RASGEF1B: variants seen among roughly 807,000 people sequenced by gnomAD.
RASGEF1B encodes the protein RasGEF domain family member 1B, also known as ras-GEF domain-containing family member 1B.
A neutral mutation model predicts 65.7 loss-of-function variants in RASGEF1B; 30 were observed. That is an observed-to-expected ratio of 0.46 (90% CI 0.34 to 0.62). RASGEF1B has a LOEUF of 0.62. Ranked by LOEUF, RASGEF1B falls within the 20% of genes least tolerant of loss-of-function variation. The pLI is 0.01. For missense variants in RASGEF1B, 495 were observed against 580.1 expected (o/e 0.85, Z 1.51); for synonymous variants, 175 against 194.8 (o/e 0.90, Z 0.85).
intron 4 of RASGEF1B, chr4:81,456,140 C>T: frequency 4.5e-6 from 1 of 222,690 alleles, no homozygotes; most frequent in Non-Finnish European, 8.7e-6. Flanking sequence ...ACTCATACCA[C>T]AGCAGTCCTG....
Position 81,435,462 on chromosome 4 carries a change from GATTT to G in RASGEF1B, c.1105-732_1105-729del, listed in dbSNP as rs1560694573. On this transcript the variant is annotated intron_variant, in intron 10 of 13. Coordinates refer to ENST00000264400, the MANE Select transcript of RASGEF1B (RefSeq NM_152545.3). ...AAGAATACCTATCATTGCAGGCACC[GATTT>G]TTTTTTTTTTTTTTTTTTTTGAGAT... Among the ~76,000 whole-genome samples the G allele has an allele frequency of 2.3e-3, 272 of 117,252 alleles. 2 individuals carry two copies. The highest frequency in any genetic ancestry group is 9.3e-3 in the African/African-American group (266 of 28,648). The allele number at this position is 117,252 out of a possible 152,430, so 76.9% of individuals were successfully genotyped here.
intron 8 of RASGEF1B, among the ~76,000 whole-genome samples, chr4:81,442,993 C>T (rs542595799): frequency 9.8e-5 from 15 of 152,326 alleles, no homozygotes; most frequent in Middle Eastern, 3.4e-3. Flanking sequence ...CCTCAACATT[C>T]TTAAAAGAAT....
chr4:81,465,441 A>C (rs1722774077), intron 1 of RASGEF1B, among the ~76,000 whole-genome samples: 1 of 152,238 alleles, frequency 6.6e-6, no homozygotes, highest in Non-Finnish European at 1.5e-5. Context: ...CTTAAAATTA[A>C]TTTGGGAAGT....
intron 2 of RASGEF1B, 57 bp from the exon 3 acceptor site, chr4:81,457,678 C>T (rs918714891): frequency 4.9e-5 from 78 of 1,586,498 alleles, no homozygotes; most frequent in Middle Eastern, 3.4e-4. Context: ...TAATATCTTG[C>T]CTTTATACTA....
chr4:81,445,350 A>G (rs943678181), intron 8 of RASGEF1B, among the ~76,000 whole-genome samples, 176 bp downstream of exon 8: 9 of 152,240 alleles, frequency 5.9e-5, no homozygotes, highest in African/African-American at 9.6e-5. Context: ...CTTAAGAAAG[A>G]TTACACACAT....
At chr4:81,431,419 T>C (rs1057376450) in intron 13 of RASGEF1B, among the ~76,000 whole-genome samples, 2 of 152,052 alleles carry the variant, frequency 1.3e-5, no homozygotes, top group African/African-American at 2.4e-5. Flanking sequence ...CCAATTACTA[T>C]GATATCCTAA....
At chr4:81,461,022 T>C (rs1722623879) in intron 1 of RASGEF1B, among the ~76,000 whole-genome samples, 1 of 140,104 alleles carries the variant, frequency 7.1e-6, no homozygotes, top group African/African-American at 3.1e-5. Flanking sequence ...TTAACACAGA[T>C]GGTCTGCACA....
At chr4:81,453,004 G>GA (rs201217659) in intron 4 of RASGEF1B, 20,359 of 90,042 alleles carry the variant, frequency 0.23, 1,517 homozygotes, top group South Asian at 0.31. Flanking sequence ...GCCAAAAGGA[G>GA]AAAAAAAAAA....
chr4:81,457,316 C>T (rs890084647), intron 3 of RASGEF1B, among the ~76,000 whole-genome samples, 183 bp downstream of exon 3: 7 of 152,250 alleles, frequency 4.6e-5, no homozygotes, highest in African/African-American at 9.6e-5. Context: ...TGCACCCGAA[C>T]TGCATTTGAT....
chr4:81,447,516 C>T lies in RASGEF1B; in HGVS notation c.717G>A (p.Leu239=). 3 of 1,613,704 alleles carry T rather than the reference C, an allele frequency of 1.9e-6. No individual in the cohort carries two copies. Among genetic ancestry groups the T allele is most frequent in the Non-Finnish European group, 2.5e-6 (3 of 1,179,760 alleles). The part of the protein sequence containing the change: ...FVQAFVQKDP[L]DNDKSCYSER... ...GTAGACTGATTACCTTGTCATTATC[C>T]AAAGGGTCCTTCTGCACGAACGCCT... The change falls in exon 6 of 14, where the codon TTG becomes TTA. Residue 239 remains leucine (L), a synonymous_variant. Transcript: ENST00000264400.
intron 10 of RASGEF1B, among the ~76,000 whole-genome samples, chr4:81,435,393 G>A (rs1721581337): frequency 7.3e-6 from 1 of 137,566 alleles, no homozygotes; most frequent in Admixed American, 7.2e-5. Context: ...AGTCCGGCCT[G>A]GGCGACAGAG....
At chr4:81,451,727 C>T (rs1449418619) in intron 4 of RASGEF1B, 1 of 152,180 alleles carries the variant, frequency 6.6e-6, no homozygotes, top group Non-Finnish European at 1.5e-5. Flanking sequence ...AGGCATGAGA[C>T]ATGCACAAGA....
intron 1 of RASGEF1B, among the ~76,000 whole-genome samples, chr4:81,468,807 C>T (rs1026113599): frequency 2.1e-4 from 32 of 152,232 alleles, no homozygotes; most frequent in African/African-American, 6.7e-4. Flanking sequence ...ATGCATGAAG[C>T]GATAGTACAA....
At chr4:81,432,933 A>G (rs1721480845) in intron 12 of RASGEF1B, among the ~76,000 whole-genome samples, 1 of 151,972 alleles carries the variant, frequency 6.6e-6, no homozygotes. Flanking sequence ...TTAATTAAAA[A>G]TGTTCTCCTG....
chr4:81,427,865 G>A, intron 13 of RASGEF1B, 73 bp from the exon 14 acceptor site: 4 of 1,377,804 alleles, frequency 2.9e-6, no homozygotes, highest in Admixed American at 4.1e-5. Flanking sequence ...AATGCCTTGT[G>A]TAATACTAAT....
At position 81,442,369 on chromosome 4, in the gene RASGEF1B, C is replaced by T; in HGVS notation, c.936G>A (p.Met312Ile). The change falls in exon 9 of 14, where the codon ATG becomes ATA. Residue 312 changes from methionine (M) to isoleucine (I), a missense_variant. By Grantham distance (10) the Met-to-Ile change is conservative. Coordinates refer to ENST00000264400, the MANE Select transcript of RASGEF1B (RefSeq NM_152545.3). ...FNSLMAIISG[M>I]NMSPVSRLKK... Reference sequence around the variant, plus strand: ...TTAGTCGAGAGACTGGGCTCATATTCATACCAGCTTCCCATTTGAAATGGA... The same window carrying T: ...TTAGTCGAGAGACTGGGCTCATATTTATACCAGCTTCCCATTTGAAATGGA... 1 of 1,609,414 alleles carries T rather than the reference C, an allele frequency of 6.2e-7. No homozygotes were observed. The highest frequency in any genetic ancestry group is 1.1e-5 in the South Asian group (1 of 90,826).
chr4:81,465,917 A>G (rs1722787397), intron 1 of RASGEF1B, among the ~76,000 whole-genome samples: 1 of 152,240 alleles, frequency 6.6e-6, no homozygotes, highest in African/African-American at 2.4e-5. Flanking sequence ...TGTAAGAGTC[A>G]GAGAAAAAAA....
chr4:81,467,477 C>A lies in RASGEF1B; in HGVS notation c.-7+4293G>T, dbSNP rs117660979. Among the ~76,000 whole-genome samples, 109 of 152,288 alleles carry A rather than the reference C, an allele frequency of 7.2e-4. No individual in the cohort carries two copies. The East Asian group carries it at 0.02, about 28-fold the overall frequency. Reference sequence around the variant, plus strand: ...GAAATAAATCTTTACTGTGTGGGAACTGAACCCAGGACATATTGAATGTAA... The same window carrying A: ...GAAATAAATCTTTACTGTGTGGGAAATGAACCCAGGACATATTGAATGTAA... On this transcript the variant is annotated intron_variant, in intron 1 of 13. Transcript: ENST00000264400.
In RASGEF1B at chr4:81,466,817, A is replaced by AGAAAGAAAG. The variant is rs1553947168; in HGVS notation, c.-7+4952_-7+4953insCTTTCTTTC. Among the ~76,000 whole-genome samples, 318 of 149,702 alleles carry AGAAAGAAAG rather than the reference A, an allele frequency of 2.1e-3. 3 individuals carry two copies. The highest frequency in any genetic ancestry group is 7.5e-3 in the African/African-American group (300 of 39,962). On this transcript the variant is annotated intron_variant, in intron 1 of 13. Transcript: ENST00000264400. The stretch of plus-strand genomic sequence containing the variant: ...AAGAAAGAAAGAAAGAAAGAAAGAA[A>AGAAAGAAAG]GAAAGAAAATTTCCAGATTATCTTC...
Sources: allele counts gnomAD v4.1 joint callset (sites outside exome capture counted in the v4.1 genomes callset), GRCh38; gene constraint gnomAD v4.1.1; transcripts MANE v1.5; gene names NCBI Gene and HGNC (gene_info 2026-07-23, HGNC 2026-07-21).